Variants in FBN3 observed in about 807,000 individuals in gnomAD.
FBN3 encodes fibrillin-3.
Under a neutral mutation model 330.1 loss-of-function variants are expected in FBN3, and 234 were observed. The ratio of observed to expected loss-of-function variants is 0.71; its 90% confidence interval spans 0.64 to 0.79. FBN3 has a LOEUF of 0.79. Among genes scored for constraint, FBN3 ranks in the 30% least tolerant of loss-of-function variants. FBN3 has a pLI of 0.00. For missense variants in FBN3, 3,606 were observed against 3,886.9 expected, an observed-to-expected ratio of 0.93 and a Z score of 1.92; for synonymous variants, 1,458 against 1,517.3, an observed-to-expected ratio of 0.96 and a Z score of 0.91.
At chr19:8,088,955 TGAATGAACAAGCGAAG>T (rs1327988434) in intron 51 of FBN3, among the ~76,000 whole-genome samples, 21 of 151,618 alleles carry the variant, frequency 1.4e-4, no homozygotes, top group Non-Finnish European at 2.4e-4. Flanking sequence ...AACAAGTGAA[TGAATGAACAAGCGAAG>T]GAATGAGTGA....
At chr19:8,076,139 C>T (rs1299236552) in intron 59 of FBN3, among the ~76,000 whole-genome samples, 1 of 152,090 alleles carries the variant, frequency 6.6e-6, no homozygotes, top group Non-Finnish European at 1.5e-5. Flanking sequence ...AGAGCCCTCA[C>T]AGAACCAGCC....
chr19:8,066,607 G>A (rs1261316172), intron 63 of FBN3, among the ~76,000 whole-genome samples: 2 of 152,142 alleles, frequency 1.3e-5, no homozygotes, highest in Non-Finnish European at 2.9e-5. Context: ...GAGGCCGGGC[G>A]CAGTGGCTCA....
In FBN3 at chr19:8,136,244, G is replaced by T; in HGVS notation, c.1411C>A (p.His471Asn). 1 of 1,610,154 alleles carries T rather than the reference G, an allele frequency of 6.2e-7. No homozygotes were observed. Reference protein sequence around the residue: ...GDCVNIPGTYHCRCYPGFQAT... With the variant: ...GDCVNIPGTYNCRCYPGFQAT... ...TGGAAGCCCGGGTAGCACCGGCAGT[G>T]GTAGGTGCCGGGGATGTTGACGCAG... The change falls in exon 12 of 64, where the codon CAC (histidine) becomes AAC (asparagine). Residue 471 changes from histidine to asparagine, a missense_variant. His to Asn is a moderately conservative substitution (Grantham distance 68). Transcript: ENST00000600128.
At chr19:8,066,345 G>A in intron 63 of FBN3, 85 bp from the exon 64 acceptor site, 1 of 1,023,406 alleles carries the variant, frequency 9.8e-7, no homozygotes, top group Non-Finnish European at 1.4e-6. Flanking sequence ...TGTGGCCAAA[G>A]AGGAGATTCT....
rs185624541 is a variant in FBN3 at position 8,077,575 on chromosome 19, G to T, written c.7454-2164C>A. Among the ~76,000 whole-genome samples the T allele has an allele frequency of 1.1e-4, 17 of 152,244 alleles. No homozygotes were observed. The East Asian group carries it at 3.1e-3, about 28-fold the overall frequency. On this transcript the variant is annotated intron_variant, in intron 59 of 63. Coordinates refer to ENST00000600128, the MANE Select transcript of FBN3 (RefSeq NM_032447.5). ...AATCGTTTGAACCCAGGAGGCAGAG[G>T]ATGCAGTGAGCCACGATCACGCCCC...
At chr19:8,074,648 G>A (rs769325919) in intron 61 of FBN3, 7 of 158,214 alleles carry the variant, frequency 4.4e-5, no homozygotes, top group Middle Eastern at 3.0e-3. Flanking sequence ...GGGGCAGAAG[G>A]CTAGCCCCCC....
Position 8,087,719 on chromosome 19 carries a change from G to A in FBN3, c.6619+106C>T, listed in dbSNP as rs1012439684. On this transcript the variant is annotated intron_variant, in intron 53 of 63. Transcript: ENST00000600128. ...CCTCCCAGGTTCAAGCGATTCTCCT[G>A]TCTCTCAGCCTCCCAAGTAGCTGGG... 1.3e-5 allele frequency: 13 copies of A among 970,222 alleles called. No individual in the cohort carries two copies. The Admixed American group carries it at 2.6e-4, about 19-fold the overall frequency. The allele number at this position is 970,222 out of a possible 1,614,324, so 60.1% of individuals were successfully genotyped here.
At chr19:8,133,139 G>A in intron 13 of FBN3, 33 bp from the exon 14 acceptor site, 1 of 1,544,458 alleles carries the variant, frequency 6.5e-7, no homozygotes. Flanking sequence ...GGTCCAGGCA[G>A]GGACCACACT....
chr19:8,076,253 T>C (rs985882092), intron 59 of FBN3, among the ~76,000 whole-genome samples: 1 of 151,630 alleles, frequency 6.6e-6, no homozygotes, highest in African/African-American at 2.4e-5. Context: ...TGTGCGTGTG[T>C]GTGTGTGTGT....
At chr19:8,080,008 T>A (rs1357314875) in intron 59 of FBN3, among the ~76,000 whole-genome samples, 1 of 152,262 alleles carries the variant, frequency 6.6e-6, no homozygotes, top group African/African-American at 2.4e-5. Flanking sequence ...CCAGGGTCTA[T>A]AACAGGGCCC....
chr19:8,099,871 A>G (rs11260056), intron 41 of FBN3, among the ~76,000 whole-genome samples: 151,547 of 151,782 alleles, frequency 1, 75,663 homozygotes, highest in Middle Eastern at 1. Context: ...TTAGCCAGGC[A>G]TGGTGGCAGG....
rs2081427858 is a variant in FBN3 at position 8,067,958 on chromosome 19, G to T, written c.8089-1698C>A. Among the ~76,000 whole-genome samples, 5 of 151,978 alleles carry T rather than the reference G, an allele frequency of 3.3e-5. No individual in the cohort carries two copies. The South Asian group carries it at 1.0e-3, about 32-fold the overall frequency. On this transcript the variant is annotated intron_variant, in intron 63 of 63. Coordinates refer to ENST00000600128, the MANE Select transcript of FBN3 (RefSeq NM_032447.5). ...GCACACCTGTAGTCCCAGCTACTAG[G>T]GAGGCTGAGGTGGGAGGATCCCTTG...
In FBN3 at chr19:8,116,701, C is replaced by T; in HGVS notation, c.3685G>A (p.Ala1229Thr). 1 of 1,613,950 alleles carries T rather than the reference C, an allele frequency of 6.2e-7. No homozygotes were observed. Residue 1229 changes from alanine to threonine, a missense_variant, in exon 29 of 64, where the codon GCC becomes ACC. By Grantham distance (58) the Ala-to-Thr change is moderately conservative. Coordinates refer to ENST00000600128, the MANE Select transcript of FBN3 (RefSeq NM_032447.5). ...HRCLCYDGFM[A>T]TPDMRTCVDV... ...ACACATGTCCTCATGTCTGGCGTGG[C>T]CATGAAGCCATCATAGCACAGGCAG...
rs775416863 is a variant in FBN3, at chr19:8,138,452, T to C, written c.978A>G (p.Ala326=). ...QCCCDRGRCW[A]AGPVPELCPP... ...GACACAGCTCAGGGACCGGGCCAGC[T>C]GCCCAGCACCTGCCCCTGTCACAGC... Residue 326 remains alanine, a synonymous_variant, in exon 9 of 64, where the codon GCA becomes GCG. Transcript: ENST00000600128. 1.9e-6 allele frequency: 3 copies of C among 1,613,066 alleles called. No homozygotes were observed. Among genetic ancestry groups the C allele is most frequent in the Admixed American group, 1.7e-5 (1 of 60,010 alleles).
Position 8,109,286 on chromosome 19 carries a change from C to T in FBN3, c.4559G>A (p.Cys1520Tyr). Reference sequence around the variant, plus strand: ...GCCCCAAGCCCGGCCCAGGGAGCAACAGCAGGAAGCTCGGGTGACACCAAC... The same window carrying T: ...GCCCCAAGCCCGGCCCAGGGAGCAATAGCAGGAAGCTCGGGTGACACCAAC... ...IGVGVTRASC[C>Y]CSLGRAWGNP... The change falls in exon 36 of 64, where the codon TGT (cysteine) becomes TAT (tyrosine). Residue 1520 changes from cysteine to tyrosine, a missense_variant. Coordinates refer to ENST00000600128, the MANE Select transcript of FBN3 (RefSeq NM_032447.5). This position sits in a 1 kb window ranked among gnomAD's most constrained non-coding sequence, Gnocchi z 5.2. 6.2e-7 allele frequency: 1 copy of T among 1,614,200 alleles called. No individual in the cohort carries two copies. The highest frequency in any genetic ancestry group is 8.5e-7 in the Non-Finnish European group (1 of 1,180,034).
At chr19:8,100,830 A>G in intron 41 of FBN3, 71 bp downstream of exon 41, 5 of 1,165,714 alleles carry the variant, frequency 4.3e-6, no homozygotes, top group Non-Finnish European at 6.4e-6. Context: ...GCTGTTGAGG[A>G]GGGGAGGGGT....
Position 8,081,414 on chromosome 19 carries a change from A to C in FBN3, c.7280T>G (p.Phe2427Cys). ...TFLCKNTKGS[F>C]LCSCPRGYLL... ...GTAGCCTCGGGGACAGCTGCACAGG[A>C]AACTGCCCTTCGTGTTTTTGCAGAG... The change falls in exon 58 of 64, where the codon TTC becomes TGC. Residue 2427 changes from phenylalanine to cysteine, a missense_variant. Phe to Cys is a radical substitution (Grantham distance 205). Transcript: ENST00000600128. 1 of 1,612,684 alleles carries C rather than the reference A, an allele frequency of 6.2e-7. No homozygotes were observed.
rs760959489 is a variant in FBN3, at chr19:8,146,120, C to G, written c.349+7G>C. 4 of 1,581,638 alleles carry G rather than the reference C, an allele frequency of 2.5e-6. No homozygotes were observed. The highest frequency in any genetic ancestry group is 4.6e-5 in the East Asian group (2 of 43,554). On this transcript the variant is annotated splice_region_variant and intron_variant, in intron 4 of 63. Transcript: ENST00000600128. The stretch of plus-strand genomic sequence containing the variant: ...CTCCCTCCCGCAAGAGGCCGCTTCC[C>G]GCTCACCTCGGCTCACCCCGCAGCT...
Position 8,109,722 on chromosome 19 carries a change from G to A in FBN3, c.4365C>T (p.Cys1455=). The change falls in exon 35 of 64, where the codon TGC becomes TGT. Residue 1455 remains cysteine (C), a synonymous_variant. Transcript: ENST00000600128. This position sits in a 1 kb window ranked among gnomAD's most constrained non-coding sequence, Gnocchi z 5.2. ...DINECADPVN[C]INGVCINTPG... ...GGGTGTTAATGCACACGCCGTTGAT[G>A]CAGTTTACTGGGTCTGCACACTCGT... is the stretch of plus-strand genomic sequence containing the variant. 6.5e-7 allele frequency: 1 copy of A among 1,540,926 alleles called. No homozygotes were observed. The highest frequency in any genetic ancestry group is 1.3e-5 in the South Asian group (1 of 78,392).
Sources: gnomAD v4.1 joint callset for allele counts (sites outside exome capture counted in the v4.1 genomes callset) on GRCh38, gnomAD v4.1.1 for gene constraint, Gnocchi (gnomAD v3.1) non-coding constraint, MANE v1.5 for transcripts, NCBI Gene and HGNC (gene_info 2026-07-23, HGNC 2026-07-21) for gene names.